Variants in NAA15 observed in about 807,000 individuals in gnomAD.
NAA15 encodes the protein N-terminal acetyltransferase.
Under a neutral mutation model 114.0 loss-of-function variants are expected in NAA15, and 34 were observed. That is an observed-to-expected ratio of 0.30 (90% CI 0.23 to 0.40). The LOEUF (loss-of-function observed/expected upper bound fraction) is 0.40, where lower values mean the gene tolerates loss of function less well. Ranked by LOEUF, NAA15 falls within the 10% of genes least tolerant of loss-of-function variation. NAA15 has a pLI of 1.00. For synonymous variants in NAA15, 340 were observed against 338.0 expected (o/e 1.01, Z -0.06); for missense variants, 658 against 1,004.5 (o/e 0.66, Z 4.66).
At chr4:139,346,517 T>C (rs1326657410) in intron 6 of NAA15, among the ~76,000 whole-genome samples, 3 of 151,932 alleles carry the variant, frequency 2.0e-5, no homozygotes, top group Non-Finnish European at 4.4e-5. Context: ...AGGAACTTCT[T>C]AGAGTGGATC....
At chr4:139,345,648 C>T (rs1358356324) in intron 6 of NAA15, among the ~76,000 whole-genome samples, 3 of 152,084 alleles carry the variant, frequency 2.0e-5, no homozygotes. Flanking sequence ...AGGCCGGGCG[C>T]GGTGGCTCAA....
In NAA15 at chr4:139,349,565, A is replaced by G; in HGVS notation, c.795A>G (p.Glu265=). The part of the protein sequence containing the change: ...PENWAYYKGL[E]KALKPANMLE... The stretch of plus-strand genomic sequence containing the variant: ...ACTGGGCCTATTACAAAGGCTTGGA[A>G]AAAGCACTCAAGCCAGGTAGTATTG... Residue 265 remains glutamate, a synonymous_variant, in exon 7 of 20, where the codon GAA becomes GAG. Transcript: ENST00000296543. 6.2e-7 allele frequency: 1 copy of G among 1,609,242 alleles called. No homozygotes were observed. Among genetic ancestry groups the G allele is most frequent in the East Asian group, 2.2e-5 (1 of 44,788 alleles).
intron 9 of NAA15, 101 bp downstream of exon 9, chr4:139,351,712 G>T: frequency 1.7e-6 from 1 of 579,916 alleles, no homozygotes; most frequent in Non-Finnish European, 3.1e-6. Context: ...CGTGTTTTGT[G>T]AATCTCATGT....
chr4:139,378,683 T>G, intron 16 of NAA15, 73 bp from the exon 17 acceptor site: 1 of 820,364 alleles, frequency 1.2e-6, no homozygotes, highest in Non-Finnish European at 1.9e-6. Flanking sequence ...TTTTTCTATT[T>G]GTGAAGTCTT....
intron 1 of NAA15, among the ~76,000 whole-genome samples, chr4:139,310,002 G>A (rs1285966939): frequency 6.6e-6 from 1 of 152,138 alleles, no homozygotes; most frequent in African/African-American, 2.4e-5. Flanking sequence ...GGCGGGCATG[G>A]TGCTCGGTGT....
Position 139,389,186 on chromosome 4 carries a change from G to A in NAA15, c.*1102G>A, listed in dbSNP as rs937010579. Reference sequence around the variant, plus strand: ...GCCCAAGACTTTGTAATTTTTAAAGGGCCCAAGATTTTTTTTTTTTTTTTT... The same window carrying A: ...GCCCAAGACTTTGTAATTTTTAAAGAGCCCAAGATTTTTTTTTTTTTTTTT... On this transcript the variant is annotated 3_prime_UTR_variant, in exon 20 of 20. Coordinates refer to ENST00000296543, the MANE Select transcript of NAA15 (RefSeq NM_057175.5). 2 of 144,464 alleles carry A rather than the reference G, an allele frequency of 1.4e-5. No homozygotes were observed. Among genetic ancestry groups the A allele is most frequent in the African/African-American group, 5.3e-5 (2 of 38,048 alleles). 8.9% of individuals were successfully genotyped at this position (144,464 alleles called of 1,614,324 possible). A position where few individuals can be genotyped will look rare whatever the true frequency, so the allele number is the denominator to read the frequency against.
rs1279053182 is a variant in NAA15 at position 139,376,392 on chromosome 4, A to C, written c.1975A>C (p.Lys659Gln). The C allele has an allele frequency of 6.2e-7, 1 of 1,610,950 alleles. No individual in the cohort carries two copies. ...KVETPLEEAI[K>Q]FLTPLKNLVK... ...TGAAACTCCATTGGAAGAAGCTATT[A>C]AATTTTTAACACCGTTGAAGAACTT... Residue 659 changes from lysine to glutamine, a missense_variant, in exon 16 of 20, where the codon AAA becomes CAA. Transcript: ENST00000296543.
Position 139,349,552 on chromosome 4 carries a change from A to G in NAA15, c.782A>G (p.Tyr261Cys), listed in dbSNP as rs1747711702. Reference protein sequence around the residue: ...QERNPENWAYYKGLEKALKPA... With the variant: ...QERNPENWAYCKGLEKALKPA... Reference sequence around the variant, plus strand: ...AGAAATCCTGAAAACTGGGCCTATTACAAAGGCTTGGAAAAAGCACTCAAG... The same window carrying G: ...AGAAATCCTGAAAACTGGGCCTATTGCAAAGGCTTGGAAAAAGCACTCAAG... Residue 261 changes from tyrosine to cysteine, a missense_variant, in exon 7 of 20, where the codon TAC becomes TGC. Tyr to Cys is a radical substitution (Grantham distance 194). Transcript: ENST00000296543. 1 of 1,611,546 alleles carries G rather than the reference A, an allele frequency of 6.2e-7. No homozygotes were observed. Among genetic ancestry groups the G allele is most frequent in the African/African-American group, 1.3e-5 (1 of 74,924 alleles).
chr4:139,303,370 AAAATG>A (rs1745879390), intron 1 of NAA15, among the ~76,000 whole-genome samples: 2 of 152,240 alleles, frequency 1.3e-5, no homozygotes, highest in African/African-American at 4.8e-5. Context: ...TATTTTGAAA[AAAATG>A]AAACTGAAAA....
chr4:139,338,972 G>T (rs1184320612), intron 3 of NAA15, among the ~76,000 whole-genome samples: 1 of 151,808 alleles, frequency 6.6e-6, no homozygotes. Flanking sequence ...CACCATACCT[G>T]GGTGTTTTTT....
At chr4:139,337,394 T>C (rs1430935720) in intron 3 of NAA15, among the ~76,000 whole-genome samples, 2 of 152,222 alleles carry the variant, frequency 1.3e-5, no homozygotes, top group African/African-American at 4.8e-5. Flanking sequence ...GCTTAGAGTG[T>C]GCCTCACTTA....
rs575715969 is a variant in NAA15, at chr4:139,357,535, G to T, written c.1237G>T (p.Val413Leu). 3 of 1,605,762 alleles carry T rather than the reference G, an allele frequency of 1.9e-6. No homozygotes were observed. In the Admixed American group the frequency reaches 5.0e-5, roughly 27 times the overall value. ...ACCTACATTAATAGAACTCTTTCTC[G>T]TGAAAGCTAAAATCTATAAGGTAAA... ...STPTLIELFL[V>L]KAKIYKHAGN... The change falls in exon 11 of 20, where the codon GTG (valine) becomes TTG (leucine). Residue 413 changes from valine (V) to leucine (L), a missense_variant. Val to Leu is a conservative substitution (Grantham distance 32). Around this residue, in one of 6 missense-constraint regions of NAA15, gnomAD observed 281 missense variants for 389.1 expected, o/e 0.72. Coordinates refer to ENST00000296543, the MANE Select transcript of NAA15 (RefSeq NM_057175.5).
intron 4 of NAA15, 58 bp from the exon 5 acceptor site, chr4:139,342,768 G>A: frequency 4.6e-6 from 7 of 1,538,438 alleles, no homozygotes; most frequent in Non-Finnish European, 6.2e-6. Flanking sequence ...ATCTTTTAAA[G>A]GAGCACTTGC....
At chr4:139,360,674 G>A in intron 13 of NAA15, 46 bp downstream of exon 13, 1 of 1,490,668 alleles carries the variant, frequency 6.7e-7, no homozygotes. Context: ...TTCTGTCGAT[G>A]GTTTTGGACA....
chr4:139,359,175 C>T (rs1051095476), intron 11 of NAA15, among the ~76,000 whole-genome samples: 1 of 151,978 alleles, frequency 6.6e-6, no homozygotes, highest in African/African-American at 2.4e-5. Flanking sequence ...GTCACCCAGG[C>T]TAGAGTGCAG....
intron 1 of NAA15, among the ~76,000 whole-genome samples, chr4:139,310,871 G>T (rs935223807): frequency 2.0e-5 from 3 of 151,622 alleles, no homozygotes; most frequent in African/African-American, 7.3e-5. Flanking sequence ...CACCTGCCTC[G>T]GCCTCCCAAA....
At chr4:139,365,465 A>G (rs963823481) in intron 14 of NAA15, among the ~76,000 whole-genome samples, 3 of 152,174 alleles carry the variant, frequency 2.0e-5, no homozygotes, top group African/African-American at 7.2e-5. Context: ...TTTTCCTCTG[A>G]AACCTCAGTT....
rs567033064 is a variant in NAA15 at position 139,356,489 on chromosome 4, C to T, written c.1088-897C>T. The T allele has an allele frequency of 2.6e-5, 4 of 152,284 alleles. No individual in the cohort carries two copies. The South Asian group carries it at 8.3e-4, about 32-fold the overall frequency. The allele number at this position is 152,284 out of a possible 1,614,324, so 9.4% of individuals were successfully genotyped here. A position where few individuals can be genotyped will look rare whatever the true frequency, so the allele number is the denominator to read the frequency against. ...ATCATAATGTTCCTTTGATTATCAG[C>T]ATTTTCCTACATATTTTACAAATGT... is the stretch of plus-strand genomic sequence containing the variant. On this transcript the variant is annotated intron_variant, in intron 10 of 19. Coordinates refer to ENST00000296543, the MANE Select transcript of NAA15 (RefSeq NM_057175.5).
intron 1 of NAA15, among the ~76,000 whole-genome samples, chr4:139,313,306 C>G (rs1393709275): frequency 6.6e-6 from 1 of 151,780 alleles, no homozygotes; most frequent in Non-Finnish European, 1.5e-5. Flanking sequence ...CTCTATTTTT[C>G]AAAGAGAACT....
Sources: gnomAD v4.1 joint callset for allele counts (sites outside exome capture counted in the v4.1 genomes callset) on GRCh38, gnomAD v4.1.1 for gene constraint, gnomAD v4.1.1 regional missense constraint, MANE v1.5 for transcripts, NCBI Gene and HGNC (gene_info 2026-07-23, HGNC 2026-07-21) for gene names.